PTPRR: variants seen among roughly 807,000 people sequenced by gnomAD.
PTPRR encodes the protein receptor-type tyrosine-protein phosphatase R.
Under a neutral mutation model 77.2 loss-of-function variants are expected in PTPRR, and 38 were observed. The observed-to-expected ratio is 0.49, with a 90% CI of 0.38 to 0.65. The LOEUF (loss-of-function observed/expected upper bound fraction) is 0.65. Among genes scored for constraint, PTPRR ranks in the 30% least tolerant of loss-of-function variants. The pLI, the probability that PTPRR is intolerant of heterozygous loss-of-function variation, is 0.00. For missense variants in PTPRR, 744 were observed against 799.2 expected, an observed-to-expected ratio of 0.93 and a Z score of 0.83; for synonymous variants, 299 against 283.1, an observed-to-expected ratio of 1.06 and a Z score of -0.57.
intron 6 of PTPRR, among the ~76,000 whole-genome samples, chr12:70,738,348 G>GA (rs144779203): frequency 1.3e-4 from 20 of 152,080 alleles, no homozygotes; most frequent in African/African-American, 4.8e-4. Context: ...CGTTTTGATA[G>GA]AAAAAAACAC....
In PTPRR at chr12:70,723,608, C is replaced by G. The variant is rs553619524; in HGVS notation, c.1007+22210G>C. On this transcript the variant is annotated intron_variant, in intron 6 of 13. Coordinates refer to ENST00000283228, the MANE Select transcript of PTPRR (RefSeq NM_002849.4). Reference sequence around the variant, plus strand: ...ATAAGGACAGTCTCAAGTGTACACACAGATTAAATATTACAAATATAGGTT... The same window carrying G: ...ATAAGGACAGTCTCAAGTGTACACAGAGATTAAATATTACAAATATAGGTT... Among the ~76,000 whole-genome samples, 9 of 152,178 alleles carry G rather than the reference C, an allele frequency of 5.9e-5. No homozygotes were observed. In the South Asian group the frequency reaches 1.9e-3, roughly 32 times the overall value.
In PTPRR at chr12:70,698,437, T is replaced by A. The variant is rs1218395972; in HGVS notation, c.1195-88A>T. The A allele has an allele frequency of 1.3e-5, 15 of 1,163,738 alleles. No individual in the cohort carries two copies. In the Admixed American group the frequency reaches 2.5e-4, roughly 19 times the overall value. 72.1% of individuals were successfully genotyped at this position (1,163,738 alleles called of 1,614,324 possible). A position where few individuals can be genotyped will look rare whatever the true frequency, so the allele number is the denominator to read the frequency against. On this transcript the variant is annotated intron_variant, in intron 7 of 13. Coordinates refer to ENST00000283228, the MANE Select transcript of PTPRR (RefSeq NM_002849.4). ...GGGGGCATCTGATCCAGAGTTCTAT[T>A]GGACTTCAAAGCCACTTAAAAACAA...
chr12:70,750,083 A>G (rs1162275427), intron 5 of PTPRR, among the ~76,000 whole-genome samples: 2 of 152,116 alleles, frequency 1.3e-5, no homozygotes, highest in South Asian at 2.1e-4. Context: ...GCACATTCAC[A>G]TTTGTGAGGT....
chr12:70,749,156 AC>A (rs1210484835), intron 5 of PTPRR, among the ~76,000 whole-genome samples: 2 of 152,108 alleles, frequency 1.3e-5, no homozygotes, highest in African/African-American at 2.4e-5. Flanking sequence ...AAGACTAAAA[AC>A]AACAACAACA....
At chr12:70,657,209 G>A (rs1336300022) in intron 12 of PTPRR, among the ~76,000 whole-genome samples, 4 of 152,142 alleles carry the variant, frequency 2.6e-5, no homozygotes, top group African/African-American at 4.8e-5. Flanking sequence ...AAGATGACTA[G>A]GCCTGGAGAG....
At chr12:70,817,373 A>G (rs1003337210) in intron 2 of PTPRR, among the ~76,000 whole-genome samples, 16 of 152,198 alleles carry the variant, frequency 1.1e-4, no homozygotes, top group African/African-American at 3.9e-4. Context: ...ATAGTATTGT[A>G]TCAACGTTAT....
At chr12:70,732,327 G>A (rs191966197) in intron 6 of PTPRR, among the ~76,000 whole-genome samples, 1 of 152,260 alleles carries the variant, frequency 6.6e-6, no homozygotes, top group African/African-American at 2.4e-5. Context: ...GCTAAGTTAG[G>A]AGCCAACGTA....
intron 6 of PTPRR, among the ~76,000 whole-genome samples, chr12:70,714,701 T>C (rs114220224): frequency 3.4e-4 from 52 of 152,298 alleles, no homozygotes; most frequent in Middle Eastern, 6.8e-3. Flanking sequence ...GTTTCTCCTA[T>C]AGACCAGGTG....
intron 2 of PTPRR, among the ~76,000 whole-genome samples, chr12:70,790,383 C>T (rs1168592099): frequency 6.6e-6 from 1 of 152,102 alleles, no homozygotes; most frequent in Non-Finnish European, 1.5e-5. Flanking sequence ...TGCCCTGATA[C>T]CCTTTCCTGC....
chr12:70,895,573 G>A lies in PTPRR; in HGVS notation c.59-2596C>T, dbSNP rs1054167108. 2.6e-5 allele frequency among the ~76,000 whole-genome samples: 4 copies of A among 151,436 alleles called. No individual in the cohort carries two copies. The East Asian group carries it at 5.8e-4, about 22-fold the overall frequency. The stretch of plus-strand genomic sequence containing the variant: ...ATTAGGTGTCCTACCACAATCATTA[G>A]GTAAGAAAAAAAATTTCATAGTGCT... On this transcript the variant is annotated intron_variant, in intron 1 of 13. Coordinates refer to ENST00000283228, the MANE Select transcript of PTPRR (RefSeq NM_002849.4).
intron 11 of PTPRR, among the ~76,000 whole-genome samples, chr12:70,661,607 C>G (rs573687234): frequency 3.3e-5 from 5 of 152,190 alleles, no homozygotes; most frequent in Non-Finnish European, 5.9e-5. Flanking sequence ...CATGAGATCC[C>G]TCTATTGGAA....
rs1004386129 is a variant in PTPRR, at chr12:70,770,102, A to G, written c.358-5324T>C. 8.9e-4 allele frequency among the ~76,000 whole-genome samples: 134 copies of G among 150,616 alleles called. 1 individual carries two copies. Among genetic ancestry groups the G allele is most frequent in the African/African-American group, 3.2e-3 (130 of 40,620 alleles). On this transcript the variant is annotated intron_variant, in intron 2 of 13. Transcript: ENST00000283228. Reference sequence around the variant, plus strand: ...ACCATTCAGGACATAGGCATGGGCAAGGACTTCATGTCTAAAACACCAAAA... The same window carrying G: ...ACCATTCAGGACATAGGCATGGGCAGGGACTTCATGTCTAAAACACCAAAA...
At position 70,658,883 on chromosome 12, in the gene PTPRR, GTTTTTTTTTTTTTTT is replaced by G. The variant is rs746595856; in HGVS notation, c.1766+2042_1766+2056del. On this transcript the variant is annotated intron_variant, in intron 12 of 13. Coordinates refer to ENST00000283228, the MANE Select transcript of PTPRR (RefSeq NM_002849.4). ...TTCAACGTTAGGGACTTTTGCTCTA[GTTTTTTTTTTTTTTT>G]TTTTTTTTTTTTTTTTTATAAGACA... 1.1e-3 allele frequency among the ~76,000 whole-genome samples: 42 copies of G among 36,938 alleles called. 1 individual carries two copies. Among genetic ancestry groups the G allele is most frequent in the African/African-American group, 4.3e-3 (39 of 9,126 alleles). The allele number at this position is 36,938 out of a possible 152,430, so 24.2% of individuals were successfully genotyped here.
At chr12:70,839,347 T>G (rs916787773) in intron 2 of PTPRR, among the ~76,000 whole-genome samples, 1 of 151,916 alleles carries the variant, frequency 6.6e-6, no homozygotes, top group African/African-American at 2.4e-5. Flanking sequence ...GTGTTAAAAG[T>G]GTCCAATACA....
chr12:70,648,550 T>C (rs559039144), intron 13 of PTPRR, among the ~76,000 whole-genome samples: 27 of 152,298 alleles, frequency 1.8e-4, no homozygotes, highest in African/African-American at 6.5e-4. Context: ...AAGATATTTC[T>C]GGTTTTTATA....
intron 10 of PTPRR, among the ~76,000 whole-genome samples, chr12:70,668,154 T>C (rs1041209504): frequency 3.3e-5 from 5 of 152,176 alleles, no homozygotes; most frequent in African/African-American, 1.2e-4. Context: ...TAGACTATCC[T>C]TTCCCACCAT....
At chr12:70,871,730 G>C (rs754294031) in intron 2 of PTPRR, among the ~76,000 whole-genome samples, 11 of 152,150 alleles carry the variant, frequency 7.2e-5, no homozygotes, top group Non-Finnish European at 2.9e-5. Context: ...TTATTTGTCA[G>C]TTAAGAGTAA....
chr12:70,911,093 G>T (rs112756640), intron 1 of PTPRR, among the ~76,000 whole-genome samples: 93 of 152,184 alleles, frequency 6.1e-4, no homozygotes, highest in South Asian at 5.4e-3. Context: ...CAATGAATAG[G>T]TTGTGGCTGC....
At chr12:70,684,328 G>T (rs1478572644) in intron 9 of PTPRR, 64 bp from the exon 10 acceptor site, 4 of 1,548,650 alleles carry the variant, frequency 2.6e-6, no homozygotes, top group Non-Finnish European at 2.6e-6. Flanking sequence ...GAAAGTGTAG[G>T]TGAAAGATCT....
Sources: gnomAD v4.1 joint callset for allele counts (sites outside exome capture counted in the v4.1 genomes callset) on GRCh38, gnomAD v4.1.1 for gene constraint, MANE v1.5 for transcripts, NCBI Gene and HGNC (gene_info 2026-07-23, HGNC 2026-07-21) for gene names.